INSC: variants seen among roughly 807,000 people sequenced by gnomAD.
INSC encodes INSC spindle orientation adaptor protein, also known as protein inscuteable homolog.
In INSC, 67 loss-of-function variants were observed where a neutral mutation model predicts 58.6. That is an observed-to-expected ratio of 1.14 (90% CI 0.94 to 1.40). The LOEUF is 1.40. INSC is among the 40% of genes most tolerant of loss of function. INSC has a pLI of 0.00. For missense variants in INSC, 714 were observed against 692.0 expected, an observed-to-expected ratio of 1.03 and a Z score of -0.36; for synonymous variants, 262 against 276.1, an observed-to-expected ratio of 0.95 and a Z score of 0.51.
chr11:15,219,438 CTG>C (rs1851353135), intron 7 of INSC, among the ~76,000 whole-genome samples: 1 of 152,186 alleles, frequency 6.6e-6, no homozygotes, highest in African/African-American at 2.4e-5. Flanking sequence ...GCAGTGGACA[CTG>C]TTCCCAGCAC....
Position 15,169,280 on chromosome 11 carries a change from G to A in INSC, c.57-6461G>A, listed in dbSNP as rs560979160. Among the ~76,000 whole-genome samples, 9 of 152,286 alleles carry A rather than the reference G, an allele frequency of 5.9e-5. No homozygotes were observed. The South Asian group carries it at 1.2e-3, about 21-fold the overall frequency. On this transcript the variant is annotated intron_variant, in intron 2 of 12. Coordinates refer to ENST00000379556, the MANE Select transcript of INSC (RefSeq NM_001042536.3). Reference sequence around the variant, plus strand: ...TCTGTAGGACAGATGATGAGGGCCCGACTGGAAGACAAAGCTACTGGGAGT... The same window carrying A: ...TCTGTAGGACAGATGATGAGGGCCCAACTGGAAGACAAAGCTACTGGGAGT...
At chr11:15,245,542 T>C (rs191880408) in intron 12 of INSC, among the ~76,000 whole-genome samples, 3 of 152,284 alleles carry the variant, frequency 2.0e-5, no homozygotes, top group African/African-American at 4.8e-5. Flanking sequence ...CTTTTCCTCT[T>C]TTTTCCATAG....
intron 7 of INSC, among the ~76,000 whole-genome samples, chr11:15,213,969 G>A (rs2133913534): frequency 6.6e-6 from 1 of 152,260 alleles, no homozygotes; most frequent in South Asian, 2.1e-4. Context: ...TGTATAAAGG[G>A]AGCCTTTAAT....
intron 7 of INSC, among the ~76,000 whole-genome samples, chr11:15,214,651 C>T (rs941201516): frequency 2.6e-5 from 4 of 152,162 alleles, no homozygotes; most frequent in African/African-American, 7.2e-5. Context: ...TGCAAAAGTT[C>T]TGCTATGGTT....
At chr11:15,185,671 TAATG>T (rs1300980938) in intron 5 of INSC, among the ~76,000 whole-genome samples, 2 of 152,154 alleles carry the variant, frequency 1.3e-5, no homozygotes, top group Non-Finnish European at 2.9e-5. Context: ...AATATAAATT[TAATG>T]AATGATGCAG....
At chr11:15,154,924 C>T (rs1422483180) in intron 2 of INSC, among the ~76,000 whole-genome samples, 1 of 152,140 alleles carries the variant, frequency 6.6e-6, no homozygotes, top group East Asian at 1.9e-4. Context: ...TTGTGTTTGC[C>T]TTGTGGCTGG....
intron 7 of INSC, among the ~76,000 whole-genome samples, chr11:15,217,018 T>A (rs1356848707): frequency 2.0e-5 from 3 of 152,260 alleles, no homozygotes; most frequent in African/African-American, 4.8e-5. Flanking sequence ...TTGGTATTAT[T>A]CCTGTTTTAT....
chr11:15,198,005 C>CTTGGT (rs1850434409), intron 6 of INSC, among the ~76,000 whole-genome samples: 2 of 134,708 alleles, frequency 1.5e-5, no homozygotes, highest in Non-Finnish European at 1.8e-5. Context: ...GAGTGCTGCA[C>CTTGGT]TCGGTTCTTG....
intron 6 of INSC, among the ~76,000 whole-genome samples, chr11:15,197,397 C>T (rs1206994779): frequency 6.6e-6 from 1 of 152,162 alleles, no homozygotes; most frequent in Non-Finnish European, 1.5e-5. Context: ...TAATTCCTCC[C>T]ATAGAATTAC....
the INSC span, among the ~76,000 whole-genome samples, chr11:15,252,258 G>A: frequency 1.3e-5 from 2 of 152,168 alleles, no homozygotes; most frequent in Admixed American, 6.6e-5. Flanking sequence ...TAATGAATAT[G>A]GAGTTTCTTT....
Position 15,221,615 on chromosome 11 carries a change from G to C in INSC, c.958G>C (p.Glu320Gln). 1 of 1,613,708 alleles carries C rather than the reference G, an allele frequency of 6.2e-7. No individual in the cohort carries two copies. Among genetic ancestry groups the C allele is most frequent in the Admixed American group, 1.7e-5 (1 of 59,962 alleles). ...CACCCAGCACCTCAGTAGCTTCCTG[G>C]AGAGCATGGAGGAGATCGTGACAGC... ...PVTQHLSSFL[E>Q]SMEEIVTALV... Residue 320 changes from glutamate (E) to glutamine (Q), a missense_variant, in exon 8 of 13, where the codon GAG becomes CAG. Coordinates refer to ENST00000379556, the MANE Select transcript of INSC (RefSeq NM_001042536.3).
the INSC span, among the ~76,000 whole-genome samples, chr11:15,258,421 C>T: frequency 1.4e-4 from 21 of 152,218 alleles, no homozygotes; most frequent in South Asian, 4.4e-3. Flanking sequence ...TTGTCTCATC[C>T]CTTGAAGGTT....
chr11:15,233,725 CCCTCCTTCCCTCCTTCCTTCCTT>C (rs1364384914), intron 9 of INSC, among the ~76,000 whole-genome samples: 1 of 151,762 alleles, frequency 6.6e-6, no homozygotes, highest in South Asian at 2.1e-4. Context: ...CTCCCTTCCT[CCCTCCTTCCCTCCTTCCTTCCTT>C]CCTCCATGAA....
Position 15,149,139 on chromosome 11 carries a change from C to T in INSC, c.-36C>T, listed in dbSNP as rs767671438. ...TGCCCTCTATTTTCAGGGTCACGAC[C>T]GCTGCAAGCAGGCTTTGCTGCAGAT... On this transcript the variant is annotated 5_prime_UTR_variant, in exon 2 of 13. Transcript: ENST00000379556. 1.2e-5 allele frequency: 19 copies of T among 1,608,050 alleles called. No individual in the cohort carries two copies. The highest frequency in any genetic ancestry group is 9.0e-5 in the East Asian group (4 of 44,508).
the INSC span, among the ~76,000 whole-genome samples, chr11:15,263,223 GC>G: frequency 6.6e-6 from 1 of 152,090 alleles, no homozygotes; most frequent in African/African-American, 2.4e-5. Flanking sequence ...ATTGAACACA[GC>G]GTTAACAGGT....
At position 15,200,893 on chromosome 11, in the gene INSC, C is replaced by T. The variant is rs761903367; in HGVS notation, c.763C>T (p.Leu255Phe). ...TTTCCGGTGCTTGTACCCCCAGGCG[C>T]TCCGCACGCTGGCCTCCATCTGCTG... ...DSFRCLYPQA[L>F]RTLASICCVE... Residue 255 changes from leucine to phenylalanine, a missense_variant, in exon 7 of 13, where the codon CTC becomes TTC. Leu to Phe is a conservative substitution (Grantham distance 22). Transcript: ENST00000379556. 9.3e-6 allele frequency: 15 copies of T among 1,613,808 alleles called. No individual in the cohort carries two copies. Among genetic ancestry groups the T allele is most frequent in the Non-Finnish European group, 1.2e-5 (14 of 1,179,990 alleles).
At chr11:15,148,752 A>G (rs1293593483) in intron 1 of INSC, among the ~76,000 whole-genome samples, 1 of 152,134 alleles carries the variant, frequency 6.6e-6, no homozygotes, top group Admixed American at 6.5e-5. Context: ...AGCAAGTAAT[A>G]CAGGATGCCC....
chr11:15,151,573 C>T (rs1848651001), intron 2 of INSC, among the ~76,000 whole-genome samples: 1 of 151,576 alleles, frequency 6.6e-6, no homozygotes, highest in East Asian at 1.9e-4. Context: ...TCTTCATTTG[C>T]TCCTCTGGCC....
At chr11:15,253,632 C>CT in the INSC span, among the ~76,000 whole-genome samples, 47,063 of 146,394 alleles carry the variant, frequency 0.32, 7,839 homozygotes, top group East Asian at 0.68. Context: ...TTTGCAGGGT[C>CT]TTTTTTTTTT....
Sources: gnomAD v4.1 joint callset for allele counts (sites outside exome capture counted in the v4.1 genomes callset) on GRCh38, gnomAD v4.1.1 for gene constraint, MANE v1.5 for transcripts, NCBI Gene and HGNC (gene_info 2026-07-23, HGNC 2026-07-21) for gene names.